SLC2A9: variants seen among roughly 807,000 people sequenced by gnomAD.
The protein encoded by SLC2A9 is solute carrier family 2, facilitated glucose transporter member 9.
SLC2A9 carries 39 observed loss-of-function variants against 50.6 expected under a neutral mutation model. The observed-to-expected ratio is 0.77, with a 90% CI of 0.60 to 1.01. The LOEUF is 1.01. Ranked by LOEUF, SLC2A9 falls within the 50% of genes least tolerant of loss-of-function variation. SLC2A9 has a pLI of 0.00. For synonymous variants in SLC2A9, 324 were observed against 276.9 expected (o/e 1.17, Z -1.69); for missense variants, 686 against 677.6 (o/e 1.01, Z -0.14).
At chr4:9,953,227 T>A (rs1446588220) in intron 5 of SLC2A9, among the ~76,000 whole-genome samples, 1 of 152,204 alleles carries the variant, frequency 6.6e-6, no homozygotes, top group Non-Finnish European at 1.5e-5. Flanking sequence ...CCGCTATGCC[T>A]CTTGGCCATG....
At chr4:9,899,107 G>A (rs1252601726) in intron 8 of SLC2A9, among the ~76,000 whole-genome samples, 12 of 152,198 alleles carry the variant, frequency 7.9e-5, no homozygotes, top group Non-Finnish European at 5.9e-5. Context: ...CTCTTTCAGA[G>A]AGAAATGTAA....
intron 3 of SLC2A9, among the ~76,000 whole-genome samples, chr4:9,785,061 C>T (rs942370490): frequency 3.3e-5 from 5 of 152,254 alleles, no homozygotes; most frequent in African/African-American, 1.2e-4. Context: ...ATCTGAGGTC[C>T]GTGTTCAGTT....
At chr4:9,855,431 T>G (rs1730583824) in intron 10 of SLC2A9, among the ~76,000 whole-genome samples, 1 of 151,972 alleles carries the variant, frequency 6.6e-6, no homozygotes, top group African/African-American at 2.4e-5. Flanking sequence ...ATCCCTACAA[T>G]GAAAATTACA....
At chr4:10,029,699 C>A (rs1342947058) in intron 1 of SLC2A9, among the ~76,000 whole-genome samples, 1 of 151,840 alleles carries the variant, frequency 6.6e-6, no homozygotes, top group Non-Finnish European at 1.5e-5. Context: ...TAACTGCAAC[C>A]TCTGCCTCCC....
At chr4:9,827,321 T>A (rs1197371896) in intron 11 of SLC2A9, among the ~76,000 whole-genome samples, 1 of 152,208 alleles carries the variant, frequency 6.6e-6, no homozygotes, top group Non-Finnish European at 1.5e-5. Context: ...CCTCAATCAA[T>A]CTGCTTGCTT....
At chr4:10,011,474 G>T (rs1050069201) in intron 2 of SLC2A9, among the ~76,000 whole-genome samples, 2 of 152,178 alleles carry the variant, frequency 1.3e-5, no homozygotes, top group Non-Finnish European at 2.9e-5. Context: ...GCAGTATAAT[G>T]AAGCAGGTTC....
At chr4:9,873,900 C>T (rs1285647495) in intron 10 of SLC2A9, among the ~76,000 whole-genome samples, 2 of 152,240 alleles carry the variant, frequency 1.3e-5, no homozygotes, top group Non-Finnish European at 2.9e-5. Context: ...AAGCCTCTCC[C>T]ATATTCCACA....
intron 5 of SLC2A9, among the ~76,000 whole-genome samples, chr4:9,964,416 C>A (rs1430480398): frequency 6.6e-6 from 1 of 152,190 alleles, no homozygotes; most frequent in Non-Finnish European, 1.5e-5. Context: ...CTCTAAACTT[C>A]TTTTCTCCTA....
intron 5 of SLC2A9, among the ~76,000 whole-genome samples, chr4:9,944,104 C>T (rs1359201350): frequency 6.6e-6 from 1 of 152,214 alleles, no homozygotes; most frequent in African/African-American, 2.4e-5. Context: ...AGCATAGGAA[C>T]AGCATGTATA....
intron 6 of SLC2A9, among the ~76,000 whole-genome samples, chr4:9,927,419 C>G (rs547833635): frequency 6.6e-6 from 1 of 152,346 alleles, no homozygotes; most frequent in African/African-American, 2.4e-5. Flanking sequence ...AAGCGCAGAA[C>G]AACCCGGAGG....
chr4:9,878,459 C>A (rs79829709), intron 10 of SLC2A9, among the ~76,000 whole-genome samples: 70 of 152,096 alleles, frequency 4.6e-4, no homozygotes, highest in African/African-American at 1.6e-3. Context: ...TCCATAGAAA[C>A]GTCTAAATGA....
intron 8 of SLC2A9, among the ~76,000 whole-genome samples, chr4:9,902,355 T>C (rs1739795262): frequency 6.6e-6 from 1 of 152,178 alleles, no homozygotes; most frequent in Non-Finnish European, 1.5e-5. Context: ...ACTTGCTGAG[T>C]GCTGGAGGAA....
chr4:9,908,095 G>C (rs985590238), intron 8 of SLC2A9, 140 bp downstream of exon 8: 5 of 709,632 alleles, frequency 7.0e-6, no homozygotes, highest in African/African-American at 1.8e-5. Flanking sequence ...CCAAGAGTTT[G>C]CTGAATGATA....
intron 3 of SLC2A9, among the ~76,000 whole-genome samples, chr4:9,809,400 G>T (rs920387783): frequency 1.1e-4 from 17 of 152,102 alleles, no homozygotes; most frequent in South Asian, 4.2e-4. Flanking sequence ...GTTGGGCATG[G>T]GTAGCCCACT....
chr4:9,931,944 C>A (rs868289824), intron 6 of SLC2A9, among the ~76,000 whole-genome samples: 8 of 52,730 alleles, frequency 1.5e-4, no homozygotes, highest in African/African-American at 6.0e-4. Context: ...CTCTCTCTCT[C>A]TCTCTCTCTC....
At chr4:9,882,641 G>C (rs967829195) in intron 10 of SLC2A9, among the ~76,000 whole-genome samples, 6 of 151,318 alleles carry the variant, frequency 4.0e-5, no homozygotes, top group African/African-American at 1.5e-4. Context: ...CCCGGGAGGC[G>C]GAGCTTGCAG....
chr4:9,847,169 G>C (rs1207280081), intron 10 of SLC2A9, among the ~76,000 whole-genome samples: 1 of 152,232 alleles, frequency 6.6e-6, no homozygotes, highest in Admixed American at 6.5e-5. Flanking sequence ...AGAACTACCT[G>C]AGACTGGGTA....
At chr4:9,780,982 C>A (rs1428594864) in intron 3 of SLC2A9, among the ~76,000 whole-genome samples, 2 of 152,076 alleles carry the variant, frequency 1.3e-5, no homozygotes, top group Admixed American at 6.5e-5. Context: ...CGAATTATTC[C>A]CCAAAGGAAA....
At position 9,799,692 on chromosome 4, in the gene SLC2A9, A is replaced by ACCCCCCCCC. The variant is rs57223650; in HGVS notation, n.421-460_421-452dup. Among the ~76,000 whole-genome samples the ACCCCCCCCC allele has an allele frequency of 6.6e-3, 464 of 69,810 alleles. 2 individuals are homozygous for ACCCCCCCCC. The highest frequency in any genetic ancestry group is 0.016 in the East Asian group (34 of 2,062). 45.8% of individuals were successfully genotyped at this position (69,810 alleles called of 152,430 possible). On this transcript the variant is annotated intron_variant and non_coding_transcript_variant, in intron 3 of 3. Coordinates refer to the SLC2A9 transcript ENST00000503280. Reference sequence around the variant, plus strand: ...GCTTTCTGAGCTCCATTCCAATTGTACCCCCCCCCCACCCAACTTCTACAC... The same window carrying ACCCCCCCCC: ...GCTTTCTGAGCTCCATTCCAATTGTACCCCCCCCCCCCCCCCCCCACCCAACTTCTACAC...
Sources: allele counts gnomAD v4.1 joint callset (sites outside exome capture counted in the v4.1 genomes callset), GRCh38; gene constraint gnomAD v4.1.1; transcripts MANE v1.5; gene names NCBI Gene and HGNC (gene_info 2026-07-23, HGNC 2026-07-21).